The following ARV1 variants were observed in gnomAD, a reference collection of about 807,000 sequenced individuals.
ARV1 encodes ARV1 fatty acid homeostasis modulator.
A neutral mutation model predicts 31.1 loss-of-function variants in ARV1; 26 were observed. That is an observed-to-expected ratio of 0.84 (90% CI 0.61 to 1.16). The LOEUF is 1.16. Ranked by LOEUF, ARV1 falls within the 50% of genes most tolerant of loss-of-function variation. ARV1 has a pLI of 0.00. For synonymous variants in ARV1, 117 were observed against 123.2 expected (o/e 0.95, Z 0.34); for missense variants, 281 against 324.9 (o/e 0.86, Z 1.04).
In ARV1 at chr1:231,000,485, C is replaced by T. The variant is rs925065309; in HGVS notation, c.*352C>T. On this transcript the variant is annotated 3_prime_UTR_variant, in exon 6 of 6. Transcript: ENST00000310256. Reference sequence around the variant, plus strand: ...CACACATAATAAAACATCTAGGTTTCATTCCTTTGACATGTTTATATCTTT... The same window carrying T: ...CACACATAATAAAACATCTAGGTTTTATTCCTTTGACATGTTTATATCTTT... 2 of 152,238 alleles carry T rather than the reference C, an allele frequency of 1.3e-5. No homozygotes were observed. The highest frequency in any genetic ancestry group is 2.9e-5 in the Non-Finnish European group (2 of 68,040). The allele number at this position is 152,238 out of a possible 1,614,324, so 9.4% of individuals were successfully genotyped here. A position where few individuals can be genotyped will look rare whatever the true frequency, so the allele number is the denominator to read the frequency against.
chr1:230,987,242 C>T (rs1679109083), intron 1 of ARV1, among the ~76,000 whole-genome samples: 1 of 152,136 alleles, frequency 6.6e-6, no homozygotes, highest in African/African-American at 2.4e-5. Context: ...ATTCACATCC[C>T]GGACAGTGGA....
At chr1:230,980,700 A>G (rs1409560973) in intron 1 of ARV1, among the ~76,000 whole-genome samples, 1 of 151,398 alleles carries the variant, frequency 6.6e-6, no homozygotes, top group Non-Finnish European at 1.5e-5. Flanking sequence ...TCTTTACTGT[A>G]CTGTCTTCTT....
chr1:230,991,908 A>ATGAGCCAC (rs528304733), intron 3 of ARV1, among the ~76,000 whole-genome samples: 3 of 152,104 alleles, frequency 2.0e-5, no homozygotes, highest in Non-Finnish European at 2.9e-5. Flanking sequence ...GATTACAGGC[A>ATGAGCCAC]TGAGCCACTG....
chr1:230,993,441 T>C (rs1045235583), intron 3 of ARV1, among the ~76,000 whole-genome samples: 1 of 152,192 alleles, frequency 6.6e-6, no homozygotes, highest in African/African-American at 2.4e-5. Context: ...CCATATTTTG[T>C]ATATACTATT....
At chr1:230,988,539 G>A in intron 2 of ARV1, 100 bp downstream of exon 2, 7 of 1,082,436 alleles carry the variant, frequency 6.5e-6, no homozygotes, top group Admixed American at 2.9e-5. Flanking sequence ...TTATAAAAGA[G>A]GAAAAGAAAT....
At chr1:230,995,184 C>T (rs1269016759) in intron 3 of ARV1, among the ~76,000 whole-genome samples, 1 of 152,184 alleles carries the variant, frequency 6.6e-6, no homozygotes, top group African/African-American at 2.4e-5. Flanking sequence ...ACTATTGCTG[C>T]TGTTAATCTG....
chr1:230,997,119 A>G lies in ARV1; in HGVS notation c.674-2A>G. The G allele has an allele frequency of 6.2e-7, 1 of 1,613,428 alleles. No individual in the cohort carries two copies. The highest frequency in any genetic ancestry group is 8.5e-7 in the Non-Finnish European group (1 of 1,179,806). ...ACTTATTGGCTGCCTTCTCCTTTCCAGTGACCCTAAACATCAACCGTAAGC... is the reference window on the plus strand; with the variant it reads ...ACTTATTGGCTGCCTTCTCCTTTCCGGTGACCCTAAACATCAACCGTAAGC... On this transcript the variant is annotated splice_acceptor_variant, in intron 4 of 5. Coordinates refer to ENST00000310256, the MANE Select transcript of ARV1 (RefSeq NM_022786.3). LOFTEE classifies it high-confidence loss of function.
chr1:230,988,083 TC>T (rs1476728271), intron 1 of ARV1, among the ~76,000 whole-genome samples: 2 of 152,236 alleles, frequency 1.3e-5, no homozygotes, highest in African/African-American at 4.8e-5. Flanking sequence ...ATTTTTAGCT[TC>T]TTGAATATGA....
At chr1:230,997,013 T>C (rs1679388677) in intron 4 of ARV1, 108 bp from the exon 5 acceptor site, 15 of 1,338,516 alleles carry the variant, frequency 1.1e-5, no homozygotes, top group Non-Finnish European at 1.6e-5. Flanking sequence ...AGAACAAACA[T>C]TGATTTTTCC....
chr1:230,979,881 C>T (rs1047288408), intron 1 of ARV1, among the ~76,000 whole-genome samples: 2 of 152,180 alleles, frequency 1.3e-5, no homozygotes, highest in East Asian at 1.9e-4. Flanking sequence ...ATGGAGTCTC[C>T]TGCTACTCTT....
rs192062795 is a variant in ARV1 at position 230,992,770 on chromosome 1, G to C, written c.448+2507G>C. Among the ~76,000 whole-genome samples the C allele has an allele frequency of 6.1e-3, 931 of 152,200 alleles. 7 individuals are homozygous for C. Among genetic ancestry groups the C allele is most frequent in the African/African-American group, 0.021 (872 of 41,506 alleles). On this transcript the variant is annotated intron_variant, in intron 3 of 5. Coordinates refer to ENST00000310256, the MANE Select transcript of ARV1 (RefSeq NM_022786.3). ...AAATATTTTTAAATACTTATTAGGT[G>C]CCAGTTACTACTTTAGGTACTTTAG...
At chr1:230,986,144 G>C (rs138360319) in intron 1 of ARV1, among the ~76,000 whole-genome samples, 3 of 151,744 alleles carry the variant, frequency 2.0e-5, no homozygotes, top group African/African-American at 7.3e-5. Flanking sequence ...GGATGGTCTC[G>C]ATTTCCTGAC....
chr1:230,988,551 C>A (rs1343391924), intron 2 of ARV1, 112 bp downstream of exon 2: 9 of 977,098 alleles, frequency 9.2e-6, no homozygotes, highest in South Asian at 2.1e-5. Flanking sequence ...AAAAGAAATT[C>A]TAATGTGAGA....
chr1:231,000,018 C>A (rs1329391960), intron 5 of ARV1, 120 bp from the exon 6 acceptor site: 1 of 152,196 alleles, frequency 6.6e-6, no homozygotes, highest in South Asian at 2.1e-4. Context: ...AAGTCTGGTG[C>A]TGGGAGAGGC....
chr1:230,994,835 T>C (rs773924510), intron 3 of ARV1, among the ~76,000 whole-genome samples: 2 of 152,216 alleles, frequency 1.3e-5, no homozygotes, highest in African/African-American at 2.4e-5. Context: ...TGAGCCACCA[T>C]GCCCAGCCCC....
At position 230,979,141 on chromosome 1, in the gene ARV1, G is replaced by A. The variant is rs777568409; in HGVS notation, c.36G>A (p.Gly12=). The A allele has an allele frequency of 6.2e-6, 10 of 1,611,404 alleles. No homozygotes were observed. The South Asian group carries it at 7.7e-5, about 12-fold the overall frequency. ...GNGGRSGLQQ[G]KGNVDGVAAT... is the part of the protein sequence containing the mutation. ...GCGGGCGGAGCGGCCTGCAGCAGGGGAAGGGGAACGTGGATGGGGTGGCAG... is the reference window on the plus strand; with the variant it reads ...GCGGGCGGAGCGGCCTGCAGCAGGGAAAGGGGAACGTGGATGGGGTGGCAG... The change falls in exon 1 of 6, where the codon GGG becomes GGA. Residue 12 remains glycine (G), a synonymous_variant. Coordinates refer to ENST00000310256, the MANE Select transcript of ARV1 (RefSeq NM_022786.3).
chr1:230,992,774 G>T (rs2103053266), intron 3 of ARV1, among the ~76,000 whole-genome samples: 1 of 152,268 alleles, frequency 6.6e-6, no homozygotes, highest in South Asian at 2.1e-4. Flanking sequence ...TTAGGTGCCA[G>T]TTACTACTTT....
chr1:230,994,123 G>A (rs1462328007), intron 3 of ARV1, among the ~76,000 whole-genome samples: 4 of 152,188 alleles, frequency 2.6e-5, no homozygotes, highest in Non-Finnish European at 5.9e-5. Context: ...TTTCCACACT[G>A]GAGTATTCTA....
intron 5 of ARV1, chr1:230,999,520 G>A (rs1169075257): frequency 6.6e-6 from 1 of 152,158 alleles, no homozygotes; most frequent in African/African-American, 2.4e-5. Context: ...GTGGCCCTCT[G>A]TAATGTCATC....
Sources: gnomAD v4.1 joint callset for allele counts (sites outside exome capture counted in the v4.1 genomes callset) on GRCh38, gnomAD v4.1.1 for gene constraint, MANE v1.5 for transcripts, NCBI Gene and HGNC (gene_info 2026-07-23, HGNC 2026-07-21) for gene names.